ADAMTS5: variants seen among roughly 807,000 people sequenced by gnomAD.
ADAMTS5 encodes the protein A disintegrin and metalloproteinase with thrombospondin motifs 5.
ADAMTS5 carries 54 observed loss-of-function variants against 81.4 expected under a neutral mutation model. The observed-to-expected ratio is 0.66, with a 90% CI of 0.53 to 0.83. The LOEUF (loss-of-function observed/expected upper bound fraction) is 0.83, where lower values mean the gene tolerates loss of function less well. Among genes scored for constraint, ADAMTS5 ranks in the 40% least tolerant of loss-of-function variants. The pLI is 0.00. For missense variants in ADAMTS5, 1,194 were observed against 1,229.9 expected, an observed-to-expected ratio of 0.97 and a Z score of 0.44; for synonymous variants, 532 against 508.8, an observed-to-expected ratio of 1.05 and a Z score of -0.61.
intron 2 of ADAMTS5, among the ~76,000 whole-genome samples, chr21:26,948,718 A>G (rs1987262530): frequency 6.6e-6 from 1 of 152,134 alleles, no homozygotes. Flanking sequence ...GAAGGAAGAA[A>G]CTCTAACTTT....
At chr21:26,944,155 A>G (rs903391004) in intron 2 of ADAMTS5, among the ~76,000 whole-genome samples, 1 of 152,234 alleles carries the variant, frequency 6.6e-6, no homozygotes, top group Non-Finnish European at 1.5e-5. Context: ...AGCTTGCTTC[A>G]TCCGTTCATT....
At chr21:26,936,350 C>G (rs770685906) in intron 3 of ADAMTS5, among the ~76,000 whole-genome samples, 2 of 152,128 alleles carry the variant, frequency 1.3e-5, no homozygotes, top group Non-Finnish European at 2.9e-5. Context: ...AATTAGCTAA[C>G]AAAGATCTTA....
chr21:26,945,500 A>G (rs770229276), intron 2 of ADAMTS5, among the ~76,000 whole-genome samples: 2 of 152,220 alleles, frequency 1.3e-5, no homozygotes, highest in South Asian at 2.1e-4. Flanking sequence ...CACTTTCCAT[A>G]TGCCTTTTTA....
At position 26,918,128 on chromosome 21, in the gene ADAMTS5, T is replaced by C. The variant is rs1167920481; in HGVS notation, c.*5925A>G. On this transcript the variant is annotated 3_prime_UTR_variant, in exon 8 of 8. Coordinates refer to ENST00000284987, the MANE Select transcript of ADAMTS5 (RefSeq NM_007038.5). ...GTGGAATGCAGGCTACAAGACACAG[T>C]AATGCTTTAAATAGTTGATTAAGAT... 6.6e-6 allele frequency: 1 copy of C among 152,410 alleles called. No homozygotes were observed. 9.4% of individuals were successfully genotyped at this position (152,410 alleles called of 1,614,324 possible). A position where few individuals can be genotyped will look rare whatever the true frequency, so the allele number is the denominator to read the frequency against.
intron 2 of ADAMTS5, among the ~76,000 whole-genome samples, chr21:26,953,049 A>G (rs1484165259): frequency 6.6e-6 from 1 of 152,234 alleles, no homozygotes; most frequent in Non-Finnish European, 1.5e-5. Context: ...GTAAGGATTA[A>G]TAGGCATAAA....
In ADAMTS5 at chr21:26,966,483, C is replaced by T; in HGVS notation, c.-92G>A. On this transcript the variant is annotated 5_prime_UTR_variant, in exon 1 of 8. The change creates a new upstream start codon in the 5' untranslated region. Transcript: ENST00000284987. ...GTTAACGGGGCGGGGGATGGGGACA[C>T]ACACACACTTGCTTGCAGGATTGAG... The T allele has an allele frequency of 7.8e-7, 1 of 1,290,188 alleles. No individual in the cohort carries two copies. The highest frequency in any genetic ancestry group is 1.0e-6 in the Non-Finnish European group (1 of 998,910). 79.9% of individuals were successfully genotyped at this position (1,290,188 alleles called of 1,614,324 possible).
At chr21:26,960,674 A>C (rs1987513122) in intron 1 of ADAMTS5, among the ~76,000 whole-genome samples, 1 of 152,210 alleles carries the variant, frequency 6.6e-6, no homozygotes, top group Admixed American at 6.5e-5. Context: ...CAGAACTGTG[A>C]GAAGACATAC....
At position 26,921,655 on chromosome 21, in the gene ADAMTS5, TATC is replaced by T. The variant is rs1212149104; in HGVS notation, c.*2395_*2397del. 6.6e-6 allele frequency: 1 copy of T among 152,458 alleles called. No individual in the cohort carries two copies. The highest frequency in any genetic ancestry group is 2.4e-5 in the African/African-American group (1 of 41,438). The allele number at this position is 152,458 out of a possible 1,614,324, so 9.4% of individuals were successfully genotyped here. A position where few individuals can be genotyped will look rare whatever the true frequency, so the allele number is the denominator to read the frequency against. ...TCTCTGAATTTCAGTTTCCAATCCATATCATCTTCTCCAGGAATTTAGACATAC... is the reference window on the plus strand; with the variant it reads ...TCTCTGAATTTCAGTTTCCAATCCATATCTTCTCCAGGAATTTAGACATAC... On this transcript the variant is annotated 3_prime_UTR_variant, in exon 8 of 8. Coordinates refer to ENST00000284987, the MANE Select transcript of ADAMTS5 (RefSeq NM_007038.5).
At position 26,965,644 on chromosome 21, in the gene ADAMTS5, A is replaced by C; in HGVS notation, c.748T>G (p.Ser250Ala). 6.3e-7 allele frequency: 1 copy of C among 1,596,304 alleles called. No homozygotes were observed. Among genetic ancestry groups the C allele is most frequent in the Non-Finnish European group, 8.5e-7 (1 of 1,173,674 alleles). The change falls in exon 1 of 8, where the codon TCA becomes GCA. Residue 250 changes from serine to alanine, a missense_variant. Ser to Ala is a moderately conservative substitution (Grantham distance 99). This residue lies in a region of ADAMTS5 where 498 missense variants were observed against 412.3 expected (regional missense o/e 1.21). Transcript: ENST00000284987. ...CGCCGCCACCACGTCTGCGGTCCTG[A>C]GCCCCCAGCGGGCGAGAGAGCGGAC... ...DQSALSPAGG[S>A]GPQTWWRRRR...
At chr21:26,948,238 G>T (rs1987252492) in intron 2 of ADAMTS5, among the ~76,000 whole-genome samples, 1 of 152,122 alleles carries the variant, frequency 6.6e-6, no homozygotes, top group Admixed American at 6.5e-5. Context: ...AACCAGGGCT[G>T]ACTTATAACA....
intron 3 of ADAMTS5, 131 bp from the exon 4 acceptor site, chr21:26,934,880 C>A: frequency 8.1e-7 from 1 of 1,235,060 alleles, no homozygotes. Context: ...GTGTAATGCT[C>A]TGGAGAGGGA....
intron 1 of ADAMTS5, among the ~76,000 whole-genome samples, chr21:26,964,384 G>C (rs571953487): frequency 3.9e-5 from 6 of 152,292 alleles, no homozygotes; most frequent in Admixed American, 3.9e-4. Flanking sequence ...GAGCCTTAAA[G>C]ATCCATTTCT....
At position 26,966,116 on chromosome 21, in the gene ADAMTS5, G is replaced by A. The variant is rs148017807; in HGVS notation, c.276C>T (p.Tyr92=). ...CCAAGAGGAACCTCCGGCCGCCCGC[G>A]TAGACGAGGTAGCCCACCTTGCCGC... ...SGGGKVGYLV[Y]AGGRRFLLDL... Residue 92 remains tyrosine (Y), a synonymous_variant, in exon 1 of 8, where the codon TAC becomes TAT. Coordinates refer to ENST00000284987, the MANE Select transcript of ADAMTS5 (RefSeq NM_007038.5). The A allele has an allele frequency of 4.3e-6, 7 of 1,612,706 alleles. No individual in the cohort carries two copies. Among genetic ancestry groups the A allele is most frequent in the Middle Eastern group, 1.6e-4 (1 of 6,062 alleles).
chr21:26,943,087 G>T (rs1054831991), intron 3 of ADAMTS5, among the ~76,000 whole-genome samples: 8 of 152,166 alleles, frequency 5.3e-5, no homozygotes, highest in African/African-American at 9.6e-5. Context: ...GGTAAAAGAA[G>T]GAATAAAAGC....
Position 26,966,640 on chromosome 21 carries a change from G to T in ADAMTS5, c.-249C>A, listed in dbSNP as rs1432459364. On this transcript the variant is annotated 5_prime_UTR_variant, in exon 1 of 8. Transcript: ENST00000284987. Reference sequence around the variant, plus strand: ...CTCCAGAAAGAGGTGGGGTGGGGGGGGGGGGAAAGAAAAGATTAAAAAAAA... The same window carrying T: ...CTCCAGAAAGAGGTGGGGTGGGGGGTGGGGGAAAGAAAAGATTAAAAAAAA... The T allele has an allele frequency of 8.4e-6, 1 of 119,620 alleles. No individual in the cohort carries two copies. The highest frequency in any genetic ancestry group is 1.0e-4 in the Admixed American group (1 of 10,030). The allele number at this position is 119,620 out of a possible 1,614,324, so 7.4% of individuals were successfully genotyped here.
At chr21:26,932,335 C>T (rs1986926205) in intron 5 of ADAMTS5, among the ~76,000 whole-genome samples, 156 bp from the exon 6 acceptor site, 1 of 152,076 alleles carries the variant, frequency 6.6e-6, no homozygotes, top group Non-Finnish European at 1.5e-5. Context: ...TTTATCTATA[C>T]ATAGAGTTCA....
At position 26,922,993 on chromosome 21, in the gene ADAMTS5, T is replaced by G. The variant is rs1255617404; in HGVS notation, c.*1060A>C. The G allele has an allele frequency of 1.3e-5, 2 of 152,424 alleles. No homozygotes were observed. The highest frequency in any genetic ancestry group is 2.9e-5 in the Non-Finnish European group (2 of 67,980). 9.4% of individuals were successfully genotyped at this position (152,424 alleles called of 1,614,324 possible). On this transcript the variant is annotated 3_prime_UTR_variant, in exon 8 of 8. Coordinates refer to ENST00000284987, the MANE Select transcript of ADAMTS5 (RefSeq NM_007038.5). ...AACATTGTAGGTCTTACTGAACCCT[T>G]GAACAAAACAAATAAGCAAACACAA...
At chr21:26,957,332 T>C (rs1404933253) in intron 1 of ADAMTS5, among the ~76,000 whole-genome samples, 1 of 152,150 alleles carries the variant, frequency 6.6e-6, no homozygotes, top group African/African-American at 2.4e-5. Context: ...GGGGCAATAG[T>C]ATATGTGTAT....
chr21:26,928,526 C>A (rs1986843894), intron 7 of ADAMTS5, among the ~76,000 whole-genome samples: 1 of 152,074 alleles, frequency 6.6e-6, no homozygotes, highest in African/African-American at 2.4e-5. Flanking sequence ...AGAATATGTA[C>A]CATAAAGTGT....
Sources: gnomAD v4.1 joint callset for allele counts (sites outside exome capture counted in the v4.1 genomes callset) on GRCh38, gnomAD v4.1.1 for gene constraint, gnomAD v4.1.1 regional missense constraint, MANE v1.5 for transcripts, NCBI Gene and HGNC (gene_info 2026-07-23, HGNC 2026-07-21) for gene names.